MGAT3: variants seen among roughly 807,000 people sequenced by gnomAD.
MGAT3 encodes the protein GlcNAc-T III.
Under a neutral mutation model 29.8 loss-of-function variants are expected in MGAT3, and 9 were observed. The ratio of observed to expected loss-of-function variants is 0.30; its 90% CI spans 0.18 to 0.53. The LOEUF (loss-of-function observed/expected upper bound fraction) is 0.53, where lower values mean the gene tolerates loss of function less well. MGAT3 is among the 20% of genes least tolerant of loss of function. MGAT3 has a pLI of 0.96. For synonymous variants in MGAT3, 397 were observed against 348.9 expected (o/e 1.14, Z -1.54); for missense variants, 557 against 769.5 (o/e 0.72, Z 3.27).
At chr22:39,479,824 C>T (rs1328073388) in intron 1 of MGAT3, among the ~76,000 whole-genome samples, 1 of 152,104 alleles carries the variant, frequency 6.6e-6, no homozygotes, top group African/African-American at 2.4e-5. Context: ...TTGTGGAGGC[C>T]CAGGGCAGTG....
In MGAT3 at chr22:39,482,447, G is replaced by A. The variant is rs943475003; in HGVS notation, c.-1-4900G>A. ...CACTGGCTTGAGAACCAGAACTTACGTTCAAGTCCTGACTCAGCCACCTCC... is the reference window on the plus strand; with the variant it reads ...CACTGGCTTGAGAACCAGAACTTACATTCAAGTCCTGACTCAGCCACCTCC... On this transcript the variant is annotated intron_variant, in intron 1 of 1. Coordinates refer to ENST00000341184, the MANE Select transcript of MGAT3 (RefSeq NM_002409.5). Among the ~76,000 whole-genome samples, 3 of 152,294 alleles carry A rather than the reference G, an allele frequency of 2.0e-5. No individual in the cohort carries two copies. In the South Asian group the frequency reaches 6.2e-4, roughly 32 times the overall value.
In MGAT3 at chr22:39,488,799, C is replaced by T; in HGVS notation, c.1452C>T (p.Pro484=). 2 of 1,611,142 alleles carry T rather than the reference C, an allele frequency of 1.2e-6. No individual in the cohort carries two copies. The highest frequency in any genetic ancestry group is 1.1e-5 in the South Asian group (1 of 90,674). ...PADPSEHMYA[P]KYLLKNYDRF... ...ACCCCAGCGAGCACATGTATGCGCC[C>T]AAGTACCTGCTGAAGAACTACGACC... Residue 484 remains proline (P), a synonymous_variant, in exon 2 of 2, where the codon CCC becomes CCT. Transcript: ENST00000341184.
At chr22:39,471,895 TG>T (rs1321864660) in intron 1 of MGAT3, among the ~76,000 whole-genome samples, 1 of 151,930 alleles carries the variant, frequency 6.6e-6, no homozygotes, top group Non-Finnish European at 1.5e-5. Context: ...GGGGATAGCG[TG>T]GGGGAACTCC....
At chr22:39,481,699 T>A (rs1031303260) in intron 1 of MGAT3, among the ~76,000 whole-genome samples, 1 of 152,202 alleles carries the variant, frequency 6.6e-6, no homozygotes, top group Non-Finnish European at 1.5e-5. Context: ...ACTTGGCAGC[T>A]GGAAGGGGCT....
chr22:39,485,524 C>T (rs1929246217), intron 1 of MGAT3, among the ~76,000 whole-genome samples: 1 of 152,158 alleles, frequency 6.6e-6, no homozygotes, highest in Non-Finnish European at 1.5e-5. Flanking sequence ...GGCATGGTGG[C>T]TCATGCCTGT....
chr22:39,464,385 A>G (rs776161112), intron 1 of MGAT3, among the ~76,000 whole-genome samples: 1 of 151,264 alleles, frequency 6.6e-6, no homozygotes, highest in Non-Finnish European at 1.5e-5. Context: ...GGCACCGGGC[A>G]TGCACTAGGG....
At chr22:39,481,250 G>A (rs184513580) in intron 1 of MGAT3, among the ~76,000 whole-genome samples, 47 of 151,964 alleles carry the variant, frequency 3.1e-4, no homozygotes, top group Admixed American at 1.3e-3. Flanking sequence ...CCTCTCCTGC[G>A]TGGAGTCTGC....
At chr22:39,480,747 C>T (rs1320536394) in intron 1 of MGAT3, among the ~76,000 whole-genome samples, 1 of 152,238 alleles carries the variant, frequency 6.6e-6, no homozygotes, top group Non-Finnish European at 1.5e-5. Context: ...GAGACAGATG[C>T]TGGCTGCAAG....
intron 1 of MGAT3, among the ~76,000 whole-genome samples, chr22:39,471,656 C>G (rs8137052): frequency 0.31 from 47,338 of 151,926 alleles, 8,480 homozygotes; most frequent in African/African-American, 0.47. Context: ...CCCTGTCCCC[C>G]ACACCACACA....
At position 39,488,069 on chromosome 22, in the gene MGAT3, A is replaced by G. The variant is rs1220211618; in HGVS notation, c.722A>G (p.Asn241Ser). The G allele has an allele frequency of 3.7e-6, 6 of 1,612,224 alleles. No individual in the cohort carries two copies. The highest frequency in any genetic ancestry group is 1.3e-5 in the African/African-American group (1 of 74,898). ...GACGCCTTTGTGGTGTGCGAGTCCA[A>G]CTTCACGGCTTATGGGGAGCCGCGG... ...VVDAFVVCES[N>S]FTAYGEPRPL... The change falls in exon 2 of 2, where the codon AAC (asparagine) becomes AGC (serine). Residue 241 changes from asparagine (N) to serine (S), a missense_variant. Asn to Ser is a conservative substitution (Grantham distance 46). Coordinates refer to ENST00000341184, the MANE Select transcript of MGAT3 (RefSeq NM_002409.5).
At chr22:39,463,201 A>G (rs188409923) in intron 1 of MGAT3, among the ~76,000 whole-genome samples, 2 of 152,298 alleles carry the variant, frequency 1.3e-5, no homozygotes, top group Admixed American at 1.3e-4. Flanking sequence ...ACCACTTTCT[A>G]TGCATTCTCC....
chr22:39,459,582 A>G (rs892142255), intron 1 of MGAT3, among the ~76,000 whole-genome samples: 2 of 151,292 alleles, frequency 1.3e-5, no homozygotes, highest in Admixed American at 6.6e-5. Flanking sequence ...TTCTGCCCCA[A>G]CCTCCTGGGT....
intron 1 of MGAT3, among the ~76,000 whole-genome samples, chr22:39,466,773 C>CT (rs975226344): frequency 6.6e-6 from 1 of 152,240 alleles, no homozygotes; most frequent in Non-Finnish European, 1.5e-5. Context: ...ACCCCGGCCT[C>CT]TAAGTGCTTT....
chr22:39,488,058 G>A lies in MGAT3; in HGVS notation c.711G>A (p.Val237=), dbSNP rs1274469226. ...GCGACGTGGTGGACGCCTTTGTGGTGTGCGAGTCCAACTTCACGGCTTATG... is the reference window on the plus strand; with the variant it reads ...GCGACGTGGTGGACGCCTTTGTGGTATGCGAGTCCAACTTCACGGCTTATG... ...ELGDVVDAFV[V]CESNFTAYGE... is the part of the protein sequence containing the mutation. The change falls in exon 2 of 2, where the codon GTG becomes GTA. Residue 237 remains valine, a synonymous_variant. Coordinates refer to ENST00000341184, the MANE Select transcript of MGAT3 (RefSeq NM_002409.5). 1.2e-5 allele frequency: 19 copies of A among 1,612,610 alleles called. No individual in the cohort carries two copies. The highest frequency in any genetic ancestry group is 1.6e-5 in the Non-Finnish European group (19 of 1,179,364).
At chr22:39,461,250 A>G (rs2039478320) in intron 1 of MGAT3, among the ~76,000 whole-genome samples, 1 of 152,184 alleles carries the variant, frequency 6.6e-6, no homozygotes, top group African/African-American at 2.4e-5. Flanking sequence ...TGAGGAGGAA[A>G]GGATGCAGAG....
Position 39,488,061 on chromosome 22 carries a change from C to G in MGAT3, c.714C>G (p.Cys238Trp). ...LGDVVDAFVVCESNFTAYGEP... is the reference protein window; with the variant it reads ...LGDVVDAFVVWESNFTAYGEP... ...ACGTGGTGGACGCCTTTGTGGTGTGCGAGTCCAACTTCACGGCTTATGGGG... is the reference window on the plus strand; with the variant it reads ...ACGTGGTGGACGCCTTTGTGGTGTGGGAGTCCAACTTCACGGCTTATGGGG... Residue 238 changes from cysteine (C) to tryptophan (W), a missense_variant, in exon 2 of 2, where the codon TGC (cysteine) becomes TGG (tryptophan). Around this residue, in one of 3 missense-constraint regions of MGAT3, gnomAD observed 243 missense variants for 444.0 expected, o/e 0.55. Transcript: ENST00000341184. 6.2e-7 allele frequency: 1 copy of G among 1,612,572 alleles called. No individual in the cohort carries two copies.
intron 1 of MGAT3, chr22:39,476,562 G>A (rs1928970504): frequency 6.6e-6 from 1 of 152,338 alleles, no homozygotes; most frequent in African/African-American, 2.4e-5. Flanking sequence ...TTCCTTCTGA[G>A]CCTGCTGGGG....
In MGAT3 at chr22:39,487,282, G is replaced by A. The variant is rs1216949784; in HGVS notation, c.-1-65G>A. 2.0e-6 allele frequency: 3 copies of A among 1,523,018 alleles called. No individual in the cohort carries two copies. The East Asian group carries it at 6.8e-5, about 34-fold the overall frequency. 94.3% of individuals were successfully genotyped at this position (1,523,018 alleles called of 1,614,324 possible). A position where few individuals can be genotyped will look rare whatever the true frequency, so the allele number is the denominator to read the frequency against. On this transcript the variant is annotated intron_variant, in intron 1 of 1. Coordinates refer to ENST00000341184, the MANE Select transcript of MGAT3 (RefSeq NM_002409.5). This position sits in a 1 kb window ranked among gnomAD's most constrained non-coding sequence, Gnocchi z 5.7. ...CAAGGTGGCAGCAGAGGCCTCCTAGGTCCCCTTCCTAGGAAAGGAGCCTGG... is the reference window on the plus strand; with the variant it reads ...CAAGGTGGCAGCAGAGGCCTCCTAGATCCCCTTCCTAGGAAAGGAGCCTGG...
intron 1 of MGAT3, among the ~76,000 whole-genome samples, chr22:39,484,131 T>G (rs1929204438): frequency 1.3e-5 from 2 of 152,312 alleles, no homozygotes; most frequent in East Asian, 3.9e-4. Flanking sequence ...GGTCCTGGTT[T>G]CCTCCTCTAT....
Sources: allele counts gnomAD v4.1 joint callset (sites outside exome capture counted in the v4.1 genomes callset), GRCh38; gene constraint gnomAD v4.1.1; regional missense constraint gnomAD v4.1.1; non-coding constraint Gnocchi (gnomAD v3.1); transcripts MANE v1.5; gene names NCBI Gene and HGNC (gene_info 2026-07-23, HGNC 2026-07-21).